EPS8: variants seen among roughly 807,000 people sequenced by gnomAD.
EPS8 encodes epidermal growth factor receptor kinase substrate 8.
Under a neutral mutation model 103.8 loss-of-function variants are expected in EPS8, and 42 were observed. The ratio of observed to expected loss-of-function variants is 0.40; its 90% CI spans 0.32 to 0.52. The LOEUF (loss-of-function observed/expected upper bound fraction) is 0.52. EPS8 is among the 20% of genes least tolerant of loss of function. The pLI, the probability that EPS8 is intolerant of heterozygous loss-of-function variation, is 0.40. For synonymous variants in EPS8, 344 were observed against 344.6 expected, an observed-to-expected ratio of 1.00 and a Z score of 0.02; for missense variants, 969 against 1,005.1, an observed-to-expected ratio of 0.96 and a Z score of 0.49.
At chr12:15,634,834 A>G in intron 17 of EPS8, 1 of 398,216 alleles carries the variant, frequency 2.5e-6, no homozygotes, top group Non-Finnish European at 4.4e-6. Flanking sequence ...AATAATATCA[A>G]TTATAATTCA....
chr12:15,658,442 A>G, intron 11 of EPS8, 55 bp downstream of exon 11: 1 of 1,187,604 alleles, frequency 8.4e-7, no homozygotes, highest in Non-Finnish European at 1.2e-6. Context: ...TCCTGACTAG[A>G]TTTTCACCTT....
intron 16 of EPS8, 27 bp from the exon 17 acceptor site, chr12:15,640,873 T>A (rs372713080): frequency 1.9e-6 from 3 of 1,604,864 alleles, no homozygotes; most frequent in South Asian, 2.2e-5. Flanking sequence ...AATAAAGGTA[T>A]AATTTCCATA....
rs1018349428 is a variant in EPS8, at chr12:15,654,243, G to A, written c.1152C>T (p.Pro384=). 6.2e-7 allele frequency: 1 copy of A among 1,613,368 alleles called. No homozygotes were observed. The highest frequency in any genetic ancestry group is 8.5e-7 in the Non-Finnish European group (1 of 1,179,456). ...GPELASSVLS[P]LLNKDTIDFL... ...AATCAATTGTGTCCTTATTCAATAGGGGACTAAGTACTGAACTGGCTAGTT... is the reference window on the plus strand; with the variant it reads ...AATCAATTGTGTCCTTATTCAATAGAGGACTAAGTACTGAACTGGCTAGTT... Residue 384 remains proline, a synonymous_variant, in exon 13 of 21, where the codon CCC becomes CCT. Coordinates refer to ENST00000281172, the MANE Select transcript of EPS8 (RefSeq NM_004447.6).
chr12:15,782,348 T>A (rs1947268716), intron 1 of EPS8, among the ~76,000 whole-genome samples: 1 of 151,528 alleles, frequency 6.6e-6, no homozygotes, highest in Admixed American at 6.6e-5. Context: ...AAAATAAAAA[T>A]AAATTAGCCA....
At chr12:15,622,885 C>T (rs571391512) in intron 20 of EPS8, among the ~76,000 whole-genome samples, 3 of 152,024 alleles carry the variant, frequency 2.0e-5, no homozygotes, top group Admixed American at 2.0e-4. Context: ...ATTAAATTTC[C>T]TATAGAATTA....
Position 15,735,296 on chromosome 12 carries a change from C to T in EPS8, c.-21-52324G>A, listed in dbSNP as rs1056051855. 6.6e-6 allele frequency among the ~76,000 whole-genome samples: 1 copy of T among 152,094 alleles called. No homozygotes were observed. Among genetic ancestry groups the T allele is most frequent in the Non-Finnish European group, 1.5e-5 (1 of 68,032 alleles). ...TTCATTTTGAAGCACAATATGCAAA[C>T]CATAGTTGCTTTTGCTTAAGAAATA... On this transcript the variant is annotated intron_variant, in intron 1 of 20. Transcript: ENST00000281172. The surrounding 1 kb of genome is among the most constrained non-coding windows in gnomAD (Gnocchi z 4.4).
chr12:15,717,406 G>C lies in EPS8; in HGVS notation c.-21-34434C>G, dbSNP rs1380972022. 6.6e-6 allele frequency among the ~76,000 whole-genome samples: 1 copy of C among 152,118 alleles called. No homozygotes were observed. The highest frequency in any genetic ancestry group is 1.9e-4 in the East Asian group (1 of 5,184). On this transcript the variant is annotated intron_variant, in intron 1 of 20. Coordinates refer to ENST00000281172, the MANE Select transcript of EPS8 (RefSeq NM_004447.6). The surrounding 1 kb of genome is among the most constrained non-coding windows in gnomAD (Gnocchi z 4.3). Reference sequence around the variant, plus strand: ...GTTCAAGACCAGCCTGGGCAACATGGTGAAACCCCATCTCTACTAAAAATA... The same window carrying C: ...GTTCAAGACCAGCCTGGGCAACATGCTGAAACCCCATCTCTACTAAAAATA...
At position 15,695,097 on chromosome 12, in the gene EPS8, C is replaced by T. The variant is rs1288612144; in HGVS notation, c.-21-12125G>A. Among the ~76,000 whole-genome samples, 1 of 152,106 alleles carries T rather than the reference C, an allele frequency of 6.6e-6. No individual in the cohort carries two copies. The highest frequency in any genetic ancestry group is 1.5e-5 in the Non-Finnish European group (1 of 68,022). On this transcript the variant is annotated intron_variant, in intron 1 of 20. Transcript: ENST00000281172. The surrounding 1 kb of genome is among the most constrained non-coding windows in gnomAD (Gnocchi z 5.0). The stretch of plus-strand genomic sequence containing the variant: ...TTCTCATTTTAATGAGAATCTGAGA[C>T]TTTAAATTAGAGTTATAAGTAAAGG...
At chr12:15,677,392 A>G (rs4237959) in intron 3 of EPS8, among the ~76,000 whole-genome samples, 108,646 of 151,952 alleles carry the variant, frequency 0.72, 40,313 homozygotes, top group East Asian at 0.87. Flanking sequence ...GCAACCCAGG[A>G]GGCCCACTAT....
intron 1 of EPS8, among the ~76,000 whole-genome samples, chr12:15,746,709 T>A (rs994402275): frequency 6.6e-6 from 1 of 152,124 alleles, no homozygotes; most frequent in Non-Finnish European, 1.5e-5. Flanking sequence ...CTCAATTTGG[T>A]TTCCTTACCT....
chr12:15,644,420 C>T (rs557775446), intron 15 of EPS8, among the ~76,000 whole-genome samples: 118 of 152,110 alleles, frequency 7.8e-4, no homozygotes, highest in South Asian at 1.2e-3. Context: ...ATTTGCCAGG[C>T]GTGGTGGCTC....
rs990005483 is a variant in EPS8, at chr12:15,728,571, A to C, written c.-21-45599T>G. Reference sequence around the variant, plus strand: ...TTTGAAGAGTCAGGCATTGCTCCTAATACCACCATATTTATGTGAGGATAG... The same window carrying C: ...TTTGAAGAGTCAGGCATTGCTCCTACTACCACCATATTTATGTGAGGATAG... On this transcript the variant is annotated intron_variant, in intron 1 of 20. Transcript: ENST00000281172. This position sits in a 1 kb window ranked among gnomAD's most constrained non-coding sequence, Gnocchi z 4.5. 8.5e-5 allele frequency among the ~76,000 whole-genome samples: 13 copies of C among 152,180 alleles called. No individual in the cohort carries two copies. Among genetic ancestry groups the C allele is most frequent in the African/African-American group, 2.9e-4 (12 of 41,450 alleles).
chr12:15,674,890 C>T (rs180806928), intron 3 of EPS8, among the ~76,000 whole-genome samples: 12 of 151,986 alleles, frequency 7.9e-5, no homozygotes, highest in Non-Finnish European at 1.6e-4. Flanking sequence ...AAGTAAAATA[C>T]ACACTGTAAA....
At position 15,704,667 on chromosome 12, in the gene EPS8, C is replaced by T. The variant is rs1231053994; in HGVS notation, c.-21-21695G>A. On this transcript the variant is annotated intron_variant, in intron 1 of 20. Transcript: ENST00000281172. This position sits in a 1 kb window ranked among gnomAD's most constrained non-coding sequence, Gnocchi z 4.6. The stretch of plus-strand genomic sequence containing the variant: ...GAGATGGATGGTCATGATGGCTGCA[C>T]AACAATGTGAATACACTTAATGACA... 2.6e-5 allele frequency among the ~76,000 whole-genome samples: 4 copies of T among 152,088 alleles called. No homozygotes were observed. The highest frequency in any genetic ancestry group is 6.6e-5 in the Admixed American group (1 of 15,266).
At chr12:15,628,086 GGGGA>G (rs1207994857) in intron 18 of EPS8, among the ~76,000 whole-genome samples, 27 of 122,522 alleles carry the variant, frequency 2.2e-4, no homozygotes, top group East Asian at 4.3e-4. Flanking sequence ...AAGGGGAAAA[GGGGA>G]GGGAGGGAGG....
intron 18 of EPS8, among the ~76,000 whole-genome samples, chr12:15,628,598 T>G (rs1158810213): frequency 6.6e-6 from 1 of 152,238 alleles, no homozygotes; most frequent in East Asian, 1.9e-4. Flanking sequence ...TAAAACAGCC[T>G]GAATAGCTTC....
rs753615242 is a variant in EPS8, at chr12:15,701,286, G to T, written c.-21-18314C>A. The stretch of plus-strand genomic sequence containing the variant: ...TGATAAGCATAACTCTAAAAGGCAG[G>T]TACTACTTTTATCTCTAGTTTACAG... On this transcript the variant is annotated intron_variant, in intron 1 of 20. Transcript: ENST00000281172. This position sits in a 1 kb window ranked among gnomAD's most constrained non-coding sequence, Gnocchi z 5.1. 6.6e-6 allele frequency among the ~76,000 whole-genome samples: 1 copy of T among 152,112 alleles called. No homozygotes were observed. The highest frequency in any genetic ancestry group is 1.5e-5 in the Non-Finnish European group (1 of 68,028).
rs567911707 is a variant in EPS8, at chr12:15,776,527, T to G, written c.-22+12634A>C. 6.6e-6 allele frequency among the ~76,000 whole-genome samples: 1 copy of G among 152,266 alleles called. No individual in the cohort carries two copies. The highest frequency in any genetic ancestry group is 2.4e-5 in the African/African-American group (1 of 41,572). On this transcript the variant is annotated intron_variant, in intron 1 of 20. Coordinates refer to ENST00000281172, the MANE Select transcript of EPS8 (RefSeq NM_004447.6). The surrounding 1 kb of genome is among the most constrained non-coding windows in gnomAD (Gnocchi z 4.2). ...TTACACCTAATACCCAAAACCCAAA[T>G]GATGCCCACGTTAGCCCAATAACGT...
At chr12:15,672,331 A>G in intron 3 of EPS8, 1 of 393,924 alleles carries the variant, frequency 2.5e-6, no homozygotes, top group East Asian at 3.6e-5. Context: ...TAAAATTTAG[A>G]TTAAAATCTC....
Sources: gnomAD v4.1 joint callset for allele counts (sites outside exome capture counted in the v4.1 genomes callset) on GRCh38, gnomAD v4.1.1 for gene constraint, Gnocchi (gnomAD v3.1) non-coding constraint, MANE v1.5 for transcripts, NCBI Gene and HGNC (gene_info 2026-07-23, HGNC 2026-07-21) for gene names.